Variants in ARMC2 observed in about 807,000 individuals in gnomAD.
ARMC2 encodes armadillo repeat-containing protein 2.
In ARMC2, 67 loss-of-function variants were observed where a neutral mutation model predicts 90.3. The observed-to-expected ratio is 0.74, with a 90% CI of 0.61 to 0.91. The LOEUF is 0.91. Ranked by LOEUF, ARMC2 falls within the 40% of genes least tolerant of loss-of-function variation. The pLI, the probability that ARMC2 is intolerant of heterozygous loss-of-function variation, is 0.00. For missense variants in ARMC2, 920 were observed against 1,030.9 expected (o/e 0.89, Z 1.47); for synonymous variants, 393 against 393.0 (o/e 1.00, Z 0.00).
At chr6:109,002,392 G>T in the ARMC2 span, 1 of 1,448,144 alleles carries the variant, frequency 6.9e-7, no homozygotes, top group Non-Finnish European at 9.7e-7. Flanking sequence ...TAAACAAAAT[G>T]AACTGAGGCT....
At chr6:108,951,750 T>G (rs1375791784) in intron 12 of ARMC2, among the ~76,000 whole-genome samples, 2 of 152,276 alleles carry the variant, frequency 1.3e-5, no homozygotes, top group Admixed American at 6.5e-5. Flanking sequence ...CGCTCCTCGA[T>G]GAAAACGTGC....
At chr6:109,047,455 C>T in the ARMC2 span, among the ~76,000 whole-genome samples, 3 of 132,966 alleles carry the variant, frequency 2.3e-5, no homozygotes, top group East Asian at 4.5e-4. Context: ...CCAGCCGCCC[C>T]ATCCGGGAGG....
At chr6:108,977,075 T>G (rs1445042953), downstream of ARMC2, among the ~76,000 whole-genome samples, 1 of 152,214 alleles carries the variant, frequency 6.6e-6, no homozygotes, top group Non-Finnish European at 1.5e-5. Context: ...ATCCTTGTCT[T>G]GTGCTGATTT....
intron 5 of ARMC2, among the ~76,000 whole-genome samples, chr6:108,877,943 C>T (rs1264687635): frequency 2.6e-5 from 4 of 152,160 alleles, no homozygotes; most frequent in South Asian, 4.1e-4. Context: ...TTTGTTAGGA[C>T]GGCTTTTGCA....
chr6:108,869,376 C>T (rs1194407297), intron 4 of ARMC2, among the ~76,000 whole-genome samples: 1 of 152,068 alleles, frequency 6.6e-6, no homozygotes, highest in African/African-American at 2.4e-5. Flanking sequence ...GGTGTGGTGG[C>T]ACGTGCCTGT....
intron 7 of ARMC2, among the ~76,000 whole-genome samples, chr6:108,903,324 C>A (rs1772344294): frequency 6.6e-6 from 1 of 151,784 alleles, no homozygotes; most frequent in African/African-American, 2.4e-5. Context: ...CCCAGGCTGG[C>A]CTTGATCCTG....
chr6:108,950,446 A>C (rs1372456124), intron 12 of ARMC2, among the ~76,000 whole-genome samples: 1 of 152,232 alleles, frequency 6.6e-6, no homozygotes, highest in Non-Finnish European at 1.5e-5. Flanking sequence ...TGCGGCCATA[A>C]AAAAGAGTGA....
intron 5 of ARMC2, among the ~76,000 whole-genome samples, chr6:108,887,169 C>T (rs1238403558): frequency 1.3e-5 from 2 of 152,132 alleles, no homozygotes; most frequent in African/African-American, 4.8e-5. Flanking sequence ...TCCTAAGCCT[C>T]CCAAAGTGCT....
At position 108,873,593 on chromosome 6, in the gene ARMC2, T is replaced by TA. The variant is rs199992388; in HGVS notation, c.464-2548dup. On this transcript the variant is annotated intron_variant, in intron 4 of 17. Transcript: ENST00000392644. ...GTGGGGCCCTTTGTTCAAAAATTAT[T>TA]AAGAGTTTCAAGATAGCCACAGCAG... 6.6e-3 allele frequency among the ~76,000 whole-genome samples: 1,007 copies of TA among 152,322 alleles called. 42 individuals are homozygous for TA. The highest frequency in any genetic ancestry group is 0.061 in the Admixed American group (930 of 15,304).
Position 108,928,093 on chromosome 6 carries a change from T to C in ARMC2, c.1356T>C (p.Thr452=). Residue 452 remains threonine, a synonymous_variant, in exon 11 of 18, where the codon ACT becomes ACC. Transcript: ENST00000392644. The part of the protein sequence containing the change: ...PNSGHLLVQV[T]ATLRNLVDSS... ...CAAGCATGCTTTTATCCTAGGTGAC[T>C]GCTACATTGAGAAACTTGGTTGATT... is the stretch of plus-strand genomic sequence containing the variant. The C allele has an allele frequency of 6.2e-7, 1 of 1,603,196 alleles. No individual in the cohort carries two copies. Among genetic ancestry groups the C allele is most frequent in the Non-Finnish European group, 8.5e-7 (1 of 1,176,702 alleles).
the ARMC2 span, among the ~76,000 whole-genome samples, chr6:109,019,372 G>C: frequency 6.6e-6 from 1 of 152,182 alleles, no homozygotes; most frequent in African/African-American, 2.4e-5. Flanking sequence ...GCAGAGTGCT[G>C]GGGGAATCTA....
the ARMC2 span, among the ~76,000 whole-genome samples, chr6:109,029,667 G>T: frequency 2.0e-5 from 3 of 151,954 alleles, no homozygotes; most frequent in African/African-American, 7.2e-5. Context: ...TCCCAAGTAG[G>T]GTTTAACAGG....
At chr6:108,953,496 C>T in intron 13 of ARMC2, 145 bp downstream of exon 13, 4 of 796,596 alleles carry the variant, frequency 5.0e-6, no homozygotes, top group Non-Finnish European at 7.7e-6. Flanking sequence ...AGGAAATTCC[C>T]TCTTCTGTTC....
chr6:108,913,762 G>A (rs1416797767), intron 10 of ARMC2, among the ~76,000 whole-genome samples: 1 of 151,942 alleles, frequency 6.6e-6, no homozygotes, highest in Non-Finnish European at 1.5e-5. Flanking sequence ...TTGTTTGTTT[G>A]CTATCATTCT....
chr6:108,954,039 G>A (rs933450391), intron 13 of ARMC2, among the ~76,000 whole-genome samples: 2 of 152,158 alleles, frequency 1.3e-5, no homozygotes, highest in South Asian at 2.1e-4. Context: ...ATTCCTTGGT[G>A]CAAGCACTTG....
chr6:108,912,598 G>A (rs1244905248), intron 10 of ARMC2, 40 bp downstream of exon 10: 4 of 1,528,790 alleles, frequency 2.6e-6, no homozygotes, highest in Non-Finnish European at 2.7e-6. Context: ...TGTAAAATTA[G>A]TTTTCACATT....
intron 5 of ARMC2, among the ~76,000 whole-genome samples, chr6:108,881,275 TCCCTC>T (rs966197170): frequency 0.011 from 1,617 of 141,994 alleles, 75 homozygotes; most frequent in African/African-American, 0.043. Context: ...TTTTCTTCTC[TCCCTC>T]CCCTCCCCTC....
the ARMC2 span, among the ~76,000 whole-genome samples, chr6:109,041,259 T>C: frequency 6.6e-6 from 1 of 151,426 alleles, no homozygotes; most frequent in Admixed American, 6.6e-5. Context: ...CTGCAGTGAG[T>C]TGTGATTGTG....
chr6:108,880,560 G>C (rs912908746), intron 5 of ARMC2, among the ~76,000 whole-genome samples: 12 of 152,164 alleles, frequency 7.9e-5, no homozygotes, highest in African/African-American at 2.7e-4. Flanking sequence ...AAAGAGCAAG[G>C]AACGAAGATA....
Sources: allele counts gnomAD v4.1 joint callset (sites outside exome capture counted in the v4.1 genomes callset), GRCh38; gene constraint gnomAD v4.1.1; transcripts MANE v1.5; gene names NCBI Gene and HGNC (gene_info 2026-07-23, HGNC 2026-07-21).